The following GPM6A variants were observed in gnomAD, a reference collection of about 807,000 sequenced individuals.
GPM6A encodes neuronal membrane glycoprotein M6-a.
Under a neutral mutation model 32.1 loss-of-function variants are expected in GPM6A, and 7 were observed. The observed-to-expected ratio is 0.22, with a 90% CI of 0.12 to 0.41. GPM6A has a LOEUF of 0.41. Among genes scored for constraint, GPM6A ranks in the 10% least tolerant of loss-of-function variants. The pLI is 1.00. For missense variants in GPM6A, 235 were observed against 347.2 expected (o/e 0.68, Z 2.57); for synonymous variants, 130 against 123.4 (o/e 1.05, Z -0.35).
intron 1 of GPM6A, among the ~76,000 whole-genome samples, chr4:175,920,121 T>A (rs1466327461): frequency 6.6e-6 from 1 of 152,254 alleles, no homozygotes; most frequent in African/African-American, 2.4e-5. Flanking sequence ...TCTGTATGTG[T>A]GTTTCTATGC....
intron 1 of GPM6A, among the ~76,000 whole-genome samples, chr4:175,852,948 G>T (rs949783112): frequency 6.6e-6 from 1 of 152,070 alleles, no homozygotes; most frequent in Non-Finnish European, 1.5e-5. Flanking sequence ...CAATCGATGC[G>T]CAATAAATAT....
intron 1 of GPM6A, among the ~76,000 whole-genome samples, chr4:175,918,941 T>C (rs1016678801): frequency 1.1e-4 from 17 of 151,948 alleles, no homozygotes; most frequent in Non-Finnish European, 1.9e-4. Flanking sequence ...TCTTATAAAA[T>C]ATATTTAAAT....
chr4:175,637,623 T>C (rs4422369), intron 6 of GPM6A, among the ~76,000 whole-genome samples: 9,016 of 25,680 alleles, frequency 0.35, 813 homozygotes, highest in Middle Eastern at 0.46. Flanking sequence ...ATATAATATA[T>C]ATTATATATA....
intron 1 of GPM6A, among the ~76,000 whole-genome samples, chr4:175,836,635 C>G (rs1346894568): frequency 3.3e-5 from 5 of 151,958 alleles, no homozygotes; most frequent in Non-Finnish European, 5.9e-5. Context: ...ATAAAAAGAA[C>G]CAATGCAAAT....
chr4:175,644,121 G>GTTTTTTTTTTTTTTTT (rs781755092), intron 4 of GPM6A, among the ~76,000 whole-genome samples: 1 of 110,380 alleles, frequency 9.1e-6, no homozygotes, highest in Non-Finnish European at 1.8e-5. Context: ...TTTTCCGTTT[G>GTTTTTTTTTTTTTTTT]TTTTTTTTTT....
At chr4:175,946,162 T>G (rs964039256) in intron 1 of GPM6A, among the ~76,000 whole-genome samples, 1 of 152,140 alleles carries the variant, frequency 6.6e-6, no homozygotes, top group African/African-American at 2.4e-5. Flanking sequence ...ATTAAAAAAA[T>G]TAAACTTCAT....
chr4:175,857,444 A>G (rs1736449774), intron 1 of GPM6A, among the ~76,000 whole-genome samples: 1 of 152,206 alleles, frequency 6.6e-6, no homozygotes, highest in Non-Finnish European at 1.5e-5. Context: ...ACAATAACAA[A>G]GTAGTTATAG....
intron 1 of GPM6A, among the ~76,000 whole-genome samples, chr4:175,962,908 A>C (rs957560168): frequency 4.6e-5 from 7 of 152,196 alleles, no homozygotes; most frequent in African/African-American, 1.4e-4. Context: ...ATTAATAAGG[A>C]CTCTAATGGA....
chr4:175,798,770 G>A (rs1734339877), intron 1 of GPM6A: 2 of 151,262 alleles, frequency 1.3e-5, no homozygotes, highest in South Asian at 2.2e-4. Flanking sequence ...CAGAACAAAT[G>A]TAACCCACAA....
chr4:175,711,415 T>C (rs934916976), intron 1 of GPM6A, among the ~76,000 whole-genome samples: 1 of 19,410 alleles, frequency 5.2e-5, no homozygotes, highest in Non-Finnish European at 1.3e-4. Flanking sequence ...ACCAAATATA[T>C]ATATATATAT....
intron 2 of GPM6A, among the ~76,000 whole-genome samples, chr4:175,682,843 CA>C (rs1743763642): frequency 6.6e-6 from 1 of 152,138 alleles, no homozygotes; most frequent in Non-Finnish European, 1.5e-5. Context: ...CCTGGGTGCC[CA>C]GGAGGAAGTC....
intron 1 of GPM6A, among the ~76,000 whole-genome samples, chr4:175,895,961 C>T (rs1737783767): frequency 1.3e-5 from 2 of 152,126 alleles, no homozygotes; most frequent in South Asian, 4.1e-4. Flanking sequence ...TCCTGAATCT[C>T]TCCATCTGTG....
At chr4:175,668,542 T>TGTGTGTGTGTGTGTGTG (rs1560863089) in intron 3 of GPM6A, among the ~76,000 whole-genome samples, 14 of 151,520 alleles carry the variant, frequency 9.2e-5, no homozygotes, top group Admixed American at 1.3e-4. Flanking sequence ...TGTGTGTGTG[T>TGTGTGTGTGTGTGTGTG]TTATTTTAAA....
chr4:175,644,506 G>T (rs1287877817), intron 4 of GPM6A, among the ~76,000 whole-genome samples: 1 of 151,356 alleles, frequency 6.6e-6, no homozygotes, highest in Admixed American at 6.6e-5. Context: ...ATAACAAATA[G>T]ATATAATATA....
intron 1 of GPM6A, among the ~76,000 whole-genome samples, chr4:175,782,754 G>T (rs1206426045): frequency 6.6e-6 from 1 of 151,942 alleles, no homozygotes; most frequent in African/African-American, 2.4e-5. Flanking sequence ...TTAAGAAATA[G>T]AACTTATTAA....
At chr4:175,815,519 T>A (rs1341067841), upstream of GPM6A, among the ~76,000 whole-genome samples, 2 of 152,102 alleles carry the variant, frequency 1.3e-5, no homozygotes, top group African/African-American at 4.8e-5. Context: ...GGGACTGAAA[T>A]GCCTCATCTA....
At chr4:175,850,808 T>C (rs1021149550) in intron 1 of GPM6A, among the ~76,000 whole-genome samples, 4 of 150,746 alleles carry the variant, frequency 2.7e-5, no homozygotes, top group Non-Finnish European at 5.9e-5. Flanking sequence ...TAAAATTGTA[T>C]GTATTTACAT....
intron 1 of GPM6A, among the ~76,000 whole-genome samples, chr4:175,730,138 G>A (rs539454689): frequency 8.6e-5 from 13 of 151,984 alleles, no homozygotes; most frequent in African/African-American, 3.1e-4. Flanking sequence ...TGCCCTTCTG[G>A]CAGCTTAAGT....
chr4:175,736,920 T>C (rs573475035), intron 1 of GPM6A, among the ~76,000 whole-genome samples: 1 of 152,306 alleles, frequency 6.6e-6, no homozygotes, highest in African/African-American at 2.4e-5. Context: ...CACATATCTT[T>C]GGTGATGCTG....
Sources: allele counts gnomAD v4.1 joint callset (sites outside exome capture counted in the v4.1 genomes callset), GRCh38; gene constraint gnomAD v4.1.1; transcripts MANE v1.5; gene names NCBI Gene and HGNC (gene_info 2026-07-23, HGNC 2026-07-21).